The following RBFOX1 variants were observed in gnomAD, a reference collection of about 807,000 sequenced individuals.
RBFOX1 encodes the protein RNA binding fox-1 homolog 1, also known as RNA binding protein fox-1 homolog 1.
A neutral mutation model predicts 57.7 loss-of-function variants in RBFOX1; 8 were observed. The ratio of observed to expected loss-of-function variants is 0.14; its 90% CI spans 0.08 to 0.25. RBFOX1 has a LOEUF of 0.25. RBFOX1 is among the 10% of genes least tolerant of loss of function. The probability of loss-of-function intolerance (pLI) is 1.00; values close to 1 mark genes in which losing one functional copy is unlikely to be tolerated. For synonymous variants in RBFOX1, 326 were observed against 222.4 expected (o/e 1.47, Z -4.15); for missense variants, 611 against 548.5 (o/e 1.11, Z -1.14).
intron 3 of RBFOX1, among the ~76,000 whole-genome samples, chr16:5,835,296 A>G (rs1226060660): frequency 6.6e-6 from 1 of 152,210 alleles, no homozygotes; most frequent in African/African-American, 2.4e-5. Flanking sequence ...GCGTCCCACC[A>G]CATGGGAGGA....
intron 3 of RBFOX1, among the ~76,000 whole-genome samples, chr16:5,718,606 G>A (rs1264805804): frequency 6.6e-6 from 1 of 152,196 alleles, no homozygotes; most frequent in Non-Finnish European, 1.5e-5. Flanking sequence ...TTTACAAACT[G>A]TGTTAAACTT....
At chr16:5,829,024 C>T (rs112115323) in intron 3 of RBFOX1, among the ~76,000 whole-genome samples, 96 of 152,260 alleles carry the variant, frequency 6.3e-4, no homozygotes, top group African/African-American at 2.2e-3. Flanking sequence ...TATCCGAAGA[C>T]CTGGCCAAGG....
chr16:6,301,959 C>T (rs755477733), intron 1 of RBFOX1, among the ~76,000 whole-genome samples: 2 of 152,014 alleles, frequency 1.3e-5, no homozygotes, highest in Non-Finnish European at 2.9e-5. Context: ...CTGTAAATGC[C>T]CCAATATCAA....
chr16:5,993,461 A>G (rs559349604), intron 4 of RBFOX1, among the ~76,000 whole-genome samples: 12 of 151,848 alleles, frequency 7.9e-5, no homozygotes, highest in East Asian at 3.9e-4. Context: ...CCTGTTTTGT[A>G]TGAAGCTCTC....
chr16:7,573,708 C>G (rs1211914518), intron 5 of RBFOX1, among the ~76,000 whole-genome samples: 2 of 151,966 alleles, frequency 1.3e-5, no homozygotes, highest in East Asian at 3.9e-4. Context: ...GTGGCACACA[C>G]CTATAAATCC....
At chr16:5,579,550 A>G (rs2046590266) in intron 2 of RBFOX1, among the ~76,000 whole-genome samples, 2 of 151,980 alleles carry the variant, frequency 1.3e-5, no homozygotes, top group African/African-American at 4.8e-5. Context: ...CCAATCCTCT[A>G]GTCCACCTGT....
At chr16:5,785,846 G>GA (rs1222782338) in intron 3 of RBFOX1, among the ~76,000 whole-genome samples, 3 of 151,996 alleles carry the variant, frequency 2.0e-5, no homozygotes, top group African/African-American at 7.2e-5. Flanking sequence ...GCAACTTCCT[G>GA]AAAAAATCTG....
intron 3 of RBFOX1, among the ~76,000 whole-genome samples, chr16:5,647,784 C>G (rs1463471780): frequency 6.6e-6 from 1 of 152,182 alleles, no homozygotes; most frequent in South Asian, 2.1e-4. Flanking sequence ...GGAACAGATT[C>G]TGTGTGTGCT....
chr16:5,481,709 T>C (rs567326892), intron 2 of RBFOX1, among the ~76,000 whole-genome samples: 10 of 152,288 alleles, frequency 6.6e-5, no homozygotes, highest in African/African-American at 2.4e-4. Flanking sequence ...CCCGTGTGGC[T>C]TAGACAACAG....
intron 3 of RBFOX1, among the ~76,000 whole-genome samples, chr16:6,796,435 C>T (rs1011704607): frequency 1.3e-5 from 2 of 152,108 alleles, no homozygotes; most frequent in African/African-American, 2.4e-5. Flanking sequence ...ACAGATAAAG[C>T]ACCCTAACCC....
At chr16:7,124,587 A>C (rs1282194727) in intron 4 of RBFOX1, among the ~76,000 whole-genome samples, 1 of 120,052 alleles carries the variant, frequency 8.3e-6, no homozygotes, top group Admixed American at 1.0e-4. Context: ...TCCTTCCTGT[A>C]ATAAGTTGTG....
chr16:5,325,228 T>C (rs1050916790), intron 1 of RBFOX1, among the ~76,000 whole-genome samples: 2 of 152,030 alleles, frequency 1.3e-5, no homozygotes, highest in East Asian at 1.9e-4. Context: ...TCTTGTCTCC[T>C]CCCTGTTTGT....
intron 14 of RBFOX1, among the ~76,000 whole-genome samples, chr16:7,708,484 C>G (rs1355881512): frequency 1.4e-5 from 2 of 143,712 alleles, no homozygotes; most frequent in Admixed American, 1.4e-4. Flanking sequence ...GGATCAAAAC[C>G]AAATCAGTCT....
intron 4 of RBFOX1, among the ~76,000 whole-genome samples, chr16:7,182,204 G>C (rs898016487): frequency 1.3e-5 from 2 of 152,082 alleles, no homozygotes; most frequent in African/African-American, 2.4e-5. Context: ...GATTTTTTCA[G>C]ATTATAAGCT....
chr16:6,398,471 C>G (rs34718826), intron 2 of RBFOX1, among the ~76,000 whole-genome samples: 54,217 of 151,896 alleles, frequency 0.36, 9,871 homozygotes, highest in East Asian at 0.55. Context: ...AAATCAAAAG[C>G]AAGTTAGGTA....
chr16:6,202,829 C>A (rs1168478802), intron 1 of RBFOX1, among the ~76,000 whole-genome samples: 2 of 151,952 alleles, frequency 1.3e-5, no homozygotes, highest in Non-Finnish European at 2.9e-5. Context: ...ATTCTGTTGC[C>A]CAGGCTGGAG....
intron 2 of RBFOX1, among the ~76,000 whole-genome samples, chr16:6,584,988 C>T (rs1012512612): frequency 1.3e-5 from 2 of 152,190 alleles, no homozygotes; most frequent in Non-Finnish European, 2.9e-5. Context: ...CAAAAGGATG[C>T]TCAACCAAAG....
At chr16:7,341,764 T>TTCCCTCCC (rs1195469045) in intron 4 of RBFOX1, among the ~76,000 whole-genome samples, 3 of 46,838 alleles carry the variant, frequency 6.4e-5, no homozygotes, top group African/African-American at 2.3e-4. Flanking sequence ...CCTTCCCTCC[T>TTCCCTCCC]TCCCTCCCTC....
chr16:5,607,973 C>G (rs980436994), intron 3 of RBFOX1, among the ~76,000 whole-genome samples: 2 of 152,192 alleles, frequency 1.3e-5, no homozygotes, highest in Admixed American at 6.5e-5. Flanking sequence ...GCTATGTGCA[C>G]TCGTGCACCT....
Sources: allele counts gnomAD v4.1 joint callset (sites outside exome capture counted in the v4.1 genomes callset), GRCh38; gene constraint gnomAD v4.1.1; transcripts MANE v1.5; gene names NCBI Gene and HGNC (gene_info 2026-07-23, HGNC 2026-07-21).